The following ZSCAN5A variants were observed in gnomAD, a reference collection of about 807,000 sequenced individuals.
The protein encoded by ZSCAN5A is zinc finger and SCAN domain-containing protein 5A.
A neutral mutation model predicts 23.7 loss-of-function variants in ZSCAN5A; 12 were observed. That is an observed-to-expected ratio of 0.51 (90% CI 0.32 to 0.82). The LOEUF is 0.82. Among genes scored for constraint, ZSCAN5A ranks in the 40% least tolerant of loss-of-function variants. The pLI is 0.03. For synonymous variants in ZSCAN5A, 257 were observed against 239.9 expected (o/e 1.07, Z -0.66); for missense variants, 597 against 617.9 (o/e 0.97, Z 0.36).
Position 56,351,687 on chromosome 19 carries a change from C to G in ZSCAN5A, c.-358+11548G>C, listed in dbSNP as rs753289090. On this transcript the variant is annotated intron_variant, in intron 2 of 6. Coordinates refer to the ZSCAN5A transcript ENST00000587340. The surrounding 1 kb of genome is among the most constrained non-coding windows in gnomAD (Gnocchi z 4.8). ...ATCCTATCAGCACCAGACCAAAAAG[C>G]CTGGTAATCGTCCAGTCATCGGAGC... 9.2e-5 allele frequency among the ~76,000 whole-genome samples: 14 copies of G among 152,158 alleles called. No individual in the cohort carries two copies. The highest frequency in any genetic ancestry group is 2.1e-4 in the Non-Finnish European group (14 of 68,030).
chr19:56,239,955 A>C (rs10410617), intron 2 of ZSCAN5A, among the ~76,000 whole-genome samples: 103,765 of 151,720 alleles, frequency 0.68, 36,572 homozygotes, highest in Admixed American at 0.77. Flanking sequence ...CTAGGTCAGG[A>C]GTTCAAGACC....
intron 2 of ZSCAN5A, among the ~76,000 whole-genome samples, chr19:56,301,309 T>C (rs1467132097): frequency 6.6e-6 from 1 of 152,102 alleles, no homozygotes; most frequent in Non-Finnish European, 1.5e-5. Context: ...GGAGTGGAGA[T>C]TTCCTGGAGC....
chr19:56,256,099 C>T (rs868366483), intron 2 of ZSCAN5A, among the ~76,000 whole-genome samples: 11 of 152,220 alleles, frequency 7.2e-5, no homozygotes, highest in Middle Eastern at 3.4e-3. Flanking sequence ...AAAGAACAGT[C>T]AGGAGGAAAT....
chr19:56,309,328 A>T (rs2040888444), intron 2 of ZSCAN5A, among the ~76,000 whole-genome samples: 1 of 151,884 alleles, frequency 6.6e-6, no homozygotes, highest in Non-Finnish European at 1.5e-5. Flanking sequence ...GACTGCTTTT[A>T]ATGGATTTCT....
At chr19:56,342,248 G>A (rs2041598162) in intron 2 of ZSCAN5A, among the ~76,000 whole-genome samples, 1 of 150,120 alleles carries the variant, frequency 6.7e-6, no homozygotes, top group Admixed American at 6.6e-5. Flanking sequence ...TTTATTCTAG[G>A]ACTAAATTTA....
chr19:56,320,055 A>G, intron 2 of ZSCAN5A: 1 of 792,414 alleles, frequency 1.3e-6, no homozygotes, highest in South Asian at 1.3e-5. Context: ...TCTGCATCAG[A>G]CTTACAAAAT....
Position 56,276,385 on chromosome 19 carries a change from C to T in ZSCAN5A, c.-128+36898G>A, listed in dbSNP as rs146507240. ...AGCATTTATCAGGGAAGAGAGACTTCGGGCAGATCTCCATTAGAATAACAC... is the reference window on the plus strand; with the variant it reads ...AGCATTTATCAGGGAAGAGAGACTTTGGGCAGATCTCCATTAGAATAACAC... On this transcript the variant is annotated intron_variant, in intron 2 of 5. Coordinates refer to ENST00000683990, the MANE Select transcript of ZSCAN5A (RefSeq NM_001322064.3). 6.0e-3 allele frequency among the ~76,000 whole-genome samples: 914 copies of T among 152,122 alleles called. 14 individuals carry two copies. Among genetic ancestry groups the T allele is most frequent in the African/African-American group, 0.021 (868 of 41,496 alleles).
intron 2 of ZSCAN5A, chr19:56,284,883 A>C (rs2038989064): frequency 2.9e-6 from 1 of 340,220 alleles, no homozygotes; most frequent in African/African-American, 2.2e-5. Flanking sequence ...GAGGCATTAT[A>C]GCCACACTTC....
intron 2 of ZSCAN5A, chr19:56,284,911 A>T: frequency 1.7e-6 from 1 of 605,320 alleles, no homozygotes; most frequent in Non-Finnish European, 2.1e-6. Flanking sequence ...AGAGTTTGTT[A>T]CATCTGTTGA....
chr19:56,277,185 A>G (rs1216510008), intron 2 of ZSCAN5A, among the ~76,000 whole-genome samples: 1 of 152,202 alleles, frequency 6.6e-6, no homozygotes, highest in Admixed American at 6.5e-5. Context: ...CGCTCTAGGT[A>G]TGTGCCCAAG....
At chr19:56,360,602 AATG>A (rs2041728062) in intron 2 of ZSCAN5A, among the ~76,000 whole-genome samples, 1 of 152,226 alleles carries the variant, frequency 6.6e-6, no homozygotes, top group African/African-American at 2.4e-5. Context: ...CCTATTTAAA[AATG>A]ATGTTGGGAG....
intron 2 of ZSCAN5A, among the ~76,000 whole-genome samples, chr19:56,296,744 A>T (rs1203187034): frequency 1.3e-5 from 2 of 151,956 alleles, no homozygotes; most frequent in African/African-American, 4.8e-5. Context: ...GGGAAACTTA[A>T]GTTTTTTGGC....
intron 2 of ZSCAN5A, among the ~76,000 whole-genome samples, chr19:56,326,234 G>C (rs2147430546): frequency 6.6e-6 from 1 of 151,916 alleles, no homozygotes; most frequent in East Asian, 1.9e-4. Flanking sequence ...ACCACGCCTG[G>C]CCTGATATAC....
At position 56,281,703 on chromosome 19, in the gene ZSCAN5A, G is replaced by C. The variant is rs992490844; in HGVS notation, c.-128+31580C>G. 6 of 985,200 alleles carry C rather than the reference G, an allele frequency of 6.1e-6. No homozygotes were observed. In the African/African-American group the frequency reaches 1.0e-4, roughly 17 times the overall value. The allele number at this position is 985,200 out of a possible 1,614,324, so 61.0% of individuals were successfully genotyped here. On this transcript the variant is annotated intron_variant, in intron 2 of 5. Transcript: ENST00000683990. ...TGCTGCCCCTTCCAGTCAACTGTAA[G>C]TCATATCTCCTTCTCCCTACATAAA...
chr19:56,270,563 G>A (rs919716139), intron 2 of ZSCAN5A, among the ~76,000 whole-genome samples: 1 of 152,018 alleles, frequency 6.6e-6, no homozygotes, highest in African/African-American at 2.4e-5. Context: ...AATTGTTAAC[G>A]TTTTCAGTTT....
chr19:56,354,285 GT>G (rs1215513421), intron 2 of ZSCAN5A, among the ~76,000 whole-genome samples: 4 of 152,050 alleles, frequency 2.6e-5, no homozygotes, highest in Admixed American at 1.3e-4. Context: ...CCAGTCAATT[GT>G]TTGTTTGTAT....
At chr19:56,265,872 G>A (rs142416148) in intron 2 of ZSCAN5A, among the ~76,000 whole-genome samples, 219 of 152,300 alleles carry the variant, frequency 1.4e-3, no homozygotes, top group African/African-American at 3.9e-3. Flanking sequence ...AGGATCTGGT[G>A]CAAGGAGCTT....
At chr19:56,258,525 G>GGTGACAGACACACCTTCCATTGTGGGGGT (rs2036890554) in intron 2 of ZSCAN5A, among the ~76,000 whole-genome samples, 1 of 149,336 alleles carries the variant, frequency 6.7e-6, no homozygotes, top group Non-Finnish European at 1.5e-5. Context: ...AGTGTGGGGG[G>GGTGACAGACACACCTTCCATTGTGGGGGT]GTGACAGACA....
intron 2 of ZSCAN5A, among the ~76,000 whole-genome samples, chr19:56,259,924 T>C (rs1269339654): frequency 6.6e-6 from 1 of 152,252 alleles, no homozygotes; most frequent in Non-Finnish European, 1.5e-5. Flanking sequence ...AAATGAGCTG[T>C]GATCGTGCCC....
Sources: gnomAD v4.1 joint callset for allele counts (sites outside exome capture counted in the v4.1 genomes callset) on GRCh38, gnomAD v4.1.1 for gene constraint, Gnocchi (gnomAD v3.1) non-coding constraint, MANE v1.5 for transcripts, NCBI Gene and HGNC (gene_info 2026-07-23, HGNC 2026-07-21) for gene names.